Variants in TRAPPC8 observed in about 807,000 individuals in gnomAD.
The protein encoded by TRAPPC8 is trafficking protein particle complex subunit 8, also known as general sporulation gene 1 homolog.
A neutral mutation model predicts 174.3 loss-of-function variants in TRAPPC8; 54 were observed. That is an observed-to-expected ratio of 0.31 (90% CI 0.25 to 0.39). The LOEUF (loss-of-function observed/expected upper bound fraction) is 0.39, where lower values mean the gene tolerates loss of function less well. Among genes scored for constraint, TRAPPC8 ranks in the 10% least tolerant of loss-of-function variants. The pLI is 1.00. For synonymous variants in TRAPPC8, 630 were observed against 579.9 expected (o/e 1.09, Z -1.24); for missense variants, 1,531 against 1,699.1 (o/e 0.90, Z 1.74).
intron 12 of TRAPPC8, among the ~76,000 whole-genome samples, chr18:31,876,098 T>C (rs2035128837): frequency 6.6e-6 from 1 of 152,218 alleles, no homozygotes; most frequent in Non-Finnish European, 1.5e-5. Flanking sequence ...TGACTTGATC[T>C]TTATAAATTA....
At chr18:31,864,998 A>G (rs1482681958) in intron 18 of TRAPPC8, among the ~76,000 whole-genome samples, 1 of 152,114 alleles carries the variant, frequency 6.6e-6, no homozygotes, top group African/African-American at 2.4e-5. Context: ...TTTTAGATAT[A>G]CTTTGCAAAA....
At chr18:31,906,248 C>G (rs1430032051) in intron 9 of TRAPPC8, among the ~76,000 whole-genome samples, 1 of 137,696 alleles carries the variant, frequency 7.3e-6, no homozygotes, top group Non-Finnish European at 1.5e-5. Context: ...AACTTAAGCA[C>G]AAGAATCTTG....
intron 3 of TRAPPC8, 77 bp from the exon 4 acceptor site, chr18:31,916,523 GTTTT>G (rs869183338): frequency 1.8e-5 from 25 of 1,355,754 alleles, no homozygotes; most frequent in Admixed American, 1.1e-4. Context: ...TAAACAGGAG[GTTTT>G]TGTTTGTTTG....
chr18:31,878,140 C>T (rs1025052832), intron 12 of TRAPPC8, among the ~76,000 whole-genome samples: 1 of 152,076 alleles, frequency 6.6e-6, no homozygotes, highest in African/African-American at 2.4e-5. Flanking sequence ...GCCTAATGGA[C>T]AAAGTCTACA....
At chr18:31,864,038 A>G (rs1479394224) in intron 19 of TRAPPC8, among the ~76,000 whole-genome samples, 4 of 147,990 alleles carry the variant, frequency 2.7e-5, no homozygotes, top group Admixed American at 2.0e-4. Flanking sequence ...GTTCTATAAA[A>G]TATAAAATAT....
At chr18:31,923,412 A>C (rs552814953) in intron 2 of TRAPPC8, among the ~76,000 whole-genome samples, 4 of 152,336 alleles carry the variant, frequency 2.6e-5, no homozygotes, top group Admixed American at 1.3e-4. Flanking sequence ...TACTGTACCA[A>C]GGAATAGCAG....
At chr18:31,844,486 T>C (rs1383656799) in intron 26 of TRAPPC8, 1 of 152,158 alleles carries the variant, frequency 6.6e-6, no homozygotes, top group African/African-American at 2.4e-5. Context: ...TCTGTACTTA[T>C]GTTACACTTC....
intron 10 of TRAPPC8, among the ~76,000 whole-genome samples, chr18:31,898,491 A>C (rs1290981387): frequency 6.6e-6 from 1 of 152,258 alleles, no homozygotes; most frequent in Non-Finnish European, 1.5e-5. Flanking sequence ...GAACCTATTT[A>C]ACAAAGTCTG....
In TRAPPC8 at chr18:31,832,204, A is replaced by G. The variant is rs758887224; in HGVS notation, c.3984-31T>C. On this transcript the variant is annotated intron_variant, in intron 27 of 28. Transcript: ENST00000283351. ...GAAGAAAAATAAACAAAAAAGTTAT[A>G]TATTTTTTTCTTCTTAAAAGCAATT... 1.6e-4 allele frequency: 217 copies of G among 1,387,972 alleles called. No homozygotes were observed. The East Asian group carries it at 5.7e-3, about 36-fold the overall frequency. The allele number at this position is 1,387,972 out of a possible 1,614,324, so 86.0% of individuals were successfully genotyped here.
chr18:31,836,107 T>C (rs750903352), intron 27 of TRAPPC8, among the ~76,000 whole-genome samples: 32 of 152,148 alleles, frequency 2.1e-4, no homozygotes, highest in Admixed American at 1.9e-3. Flanking sequence ...GTGGCAACAA[T>C]GACTAATAGA....
At chr18:31,885,420 C>T (rs1218377741) in intron 12 of TRAPPC8, among the ~76,000 whole-genome samples, 1 of 152,120 alleles carries the variant, frequency 6.6e-6, no homozygotes, top group Non-Finnish European at 1.5e-5. Context: ...CATCCTATGC[C>T]CTTTGATAAA....
At chr18:31,920,256 T>C (rs1054875885) in intron 2 of TRAPPC8, among the ~76,000 whole-genome samples, 5 of 152,160 alleles carry the variant, frequency 3.3e-5, no homozygotes, top group Non-Finnish European at 5.9e-5. Flanking sequence ...TGTTTCATGG[T>C]GGAGGTGGAA....
chr18:31,885,544 G>A (rs1310159989), intron 12 of TRAPPC8, among the ~76,000 whole-genome samples: 1 of 152,004 alleles, frequency 6.6e-6, no homozygotes, highest in Non-Finnish European at 1.5e-5. Flanking sequence ...TTATGTAAGG[G>A]AAAGTTCTTG....
chr18:31,893,228 A>G (rs1186033227), intron 11 of TRAPPC8, among the ~76,000 whole-genome samples: 1 of 152,044 alleles, frequency 6.6e-6, no homozygotes, highest in Non-Finnish European at 1.5e-5. Context: ...TATTTTGCAA[A>G]TAGTATTTTC....
At chr18:31,941,252 G>A (rs900841376) in intron 1 of TRAPPC8, among the ~76,000 whole-genome samples, 10 of 152,160 alleles carry the variant, frequency 6.6e-5, no homozygotes, top group African/African-American at 2.2e-4. Context: ...AGACCAACCT[G>A]ACCAACATGG....
chr18:31,928,456 A>G (rs1424930590), intron 2 of TRAPPC8, among the ~76,000 whole-genome samples: 3 of 152,128 alleles, frequency 2.0e-5, no homozygotes, highest in African/African-American at 7.2e-5. Context: ...CAAGAGTTCA[A>G]GGTTACAGTG....
intron 2 of TRAPPC8, among the ~76,000 whole-genome samples, chr18:31,919,929 T>A (rs558774281): frequency 2.0e-5 from 3 of 151,994 alleles, no homozygotes; most frequent in Admixed American, 6.6e-5. Flanking sequence ...ATCTACATTT[T>A]AAAAAAAGGC....
chr18:31,882,432 T>C (rs968396019), intron 12 of TRAPPC8, among the ~76,000 whole-genome samples: 3 of 151,684 alleles, frequency 2.0e-5, no homozygotes, highest in Admixed American at 6.6e-5. Context: ...GAGGAAATAA[T>C]AGACACTGGG....
At chr18:31,925,231 A>G (rs917484942) in intron 2 of TRAPPC8, among the ~76,000 whole-genome samples, 1 of 151,884 alleles carries the variant, frequency 6.6e-6, no homozygotes, top group Non-Finnish European at 1.5e-5. Flanking sequence ...AAATAAAAAT[A>G]ATACGAATGA....
Sources: allele counts gnomAD v4.1 joint callset (sites outside exome capture counted in the v4.1 genomes callset), GRCh38; gene constraint gnomAD v4.1.1; transcripts MANE v1.5; gene names NCBI Gene and HGNC (gene_info 2026-07-23, HGNC 2026-07-21).